The following CEP112 variants were observed in gnomAD, a reference collection of about 807,000 sequenced individuals.
CEP112 encodes centrosomal protein of 112 kDa.
In CEP112, 127 loss-of-function variants were observed where a neutral mutation model predicts 153.0. That is an observed-to-expected ratio of 0.83 (90% CI 0.72 to 0.96). The LOEUF is 0.96. CEP112 is among the 40% of genes least tolerant of loss of function. The pLI, the probability that CEP112 is intolerant of heterozygous loss-of-function variation, is 0.00. For missense variants in CEP112, 1,089 were observed against 1,101.2 expected (o/e 0.99, Z 0.16); for synonymous variants, 358 against 374.4 (o/e 0.96, Z 0.51).
chr17:65,791,792 C>T (rs931354035), intron 21 of CEP112, among the ~76,000 whole-genome samples: 5 of 152,006 alleles, frequency 3.3e-5, no homozygotes, highest in African/African-American at 7.2e-5. Context: ...CAGACAGCAT[C>T]GCTACAAGAA....
At chr17:66,157,868 G>A (rs895628835) in intron 4 of CEP112, among the ~76,000 whole-genome samples, 1 of 152,060 alleles carries the variant, frequency 6.6e-6, no homozygotes, top group East Asian at 1.9e-4. Context: ...CCCAATACAG[G>A]AGCATCCAGG....
At chr17:65,883,425 A>G (rs2059158613) in intron 20 of CEP112, among the ~76,000 whole-genome samples, 1 of 152,046 alleles carries the variant, frequency 6.6e-6, no homozygotes, top group South Asian at 2.1e-4. Flanking sequence ...CAATGGCATA[A>G]TCTTGGCTCA....
intron 20 of CEP112, among the ~76,000 whole-genome samples, chr17:65,856,117 G>C (rs1598792419): frequency 6.6e-6 from 1 of 152,176 alleles, no homozygotes; most frequent in East Asian, 1.9e-4. Flanking sequence ...ATACTGAAAA[G>C]TGTAATGGAA....
intron 21 of CEP112, among the ~76,000 whole-genome samples, chr17:65,789,860 C>T (rs2145715605): frequency 6.6e-6 from 1 of 152,262 alleles, no homozygotes; most frequent in South Asian, 2.1e-4. Context: ...CATGTTAACT[C>T]CAAGCATCTA....
At chr17:65,898,263 A>G (rs1568189542) in intron 20 of CEP112, among the ~76,000 whole-genome samples, 1 of 152,108 alleles carries the variant, frequency 6.6e-6, no homozygotes, top group Non-Finnish European at 1.5e-5. Context: ...TGTTAAATTT[A>G]CCCTTCGAGT....
intron 12 of CEP112, among the ~76,000 whole-genome samples, chr17:66,046,391 T>C (rs192348930): frequency 6.6e-6 from 1 of 152,132 alleles, no homozygotes; most frequent in Non-Finnish European, 1.5e-5. Context: ...ACCATACTAG[T>C]GTGTTTAACT....
intron 8 of CEP112, among the ~76,000 whole-genome samples, chr17:66,080,770 C>T (rs927373949): frequency 2.0e-5 from 3 of 152,154 alleles, no homozygotes; most frequent in Non-Finnish European, 4.4e-5. Flanking sequence ...CCCAAATGCC[C>T]ATCAATGATA....
rs531037483 is a variant in CEP112, at chr17:65,703,460, G to A, written c.2608-14242C>T. The stretch of plus-strand genomic sequence containing the variant: ...TGGGAGGTGAAGGTTGCAGTGAGTC[G>A]AGATTGTGCCACTGCACTCCAGAAT... On this transcript the variant is annotated intron_variant, in intron 23 of 26. Transcript: ENST00000535342. Among the ~76,000 whole-genome samples, 9 of 148,538 alleles carry A rather than the reference G, an allele frequency of 6.1e-5. No individual in the cohort carries two copies. In the South Asian group the frequency reaches 1.3e-3, roughly 21 times the overall value.
chr17:66,038,056 C>T (rs909748774), intron 12 of CEP112, among the ~76,000 whole-genome samples: 2 of 145,682 alleles, frequency 1.4e-5, no homozygotes, highest in African/African-American at 2.6e-5. Flanking sequence ...GAGCTGAGAT[C>T]GCGCCACTGT....
Position 65,734,952 on chromosome 17 carries a change from T to TAAAACAGGCA in CEP112, c.2607+8115_2607+8116insTGCCTGTTTT, listed in dbSNP as rs1009822314. Among the ~76,000 whole-genome samples, 3 of 152,162 alleles carry TAAAACAGGCA rather than the reference T, an allele frequency of 2.0e-5. No homozygotes were observed. The East Asian group carries it at 5.8e-4, about 29-fold the overall frequency. On this transcript the variant is annotated intron_variant, in intron 23 of 26. Transcript: ENST00000535342. Reference sequence around the variant, plus strand: ...GAATGGATCTTTTACTCAGGCATGGTTTTGTAACATCAGGTGTTTGTCATT... The same window carrying TAAAACAGGCA: ...GAATGGATCTTTTACTCAGGCATGGTAAAACAGGCATTTGTAACATCAGGTGTTTGTCATT...
At chr17:65,651,605 T>C (rs981043863) in intron 24 of CEP112, among the ~76,000 whole-genome samples, 1 of 152,172 alleles carries the variant, frequency 6.6e-6, no homozygotes, top group African/African-American at 2.4e-5. Context: ...AAATCTATTA[T>C]TTTTTGATTT....
chr17:66,142,724 C>T (rs1022572769), intron 4 of CEP112, among the ~76,000 whole-genome samples: 14 of 152,112 alleles, frequency 9.2e-5, no homozygotes, highest in Non-Finnish European at 1.9e-4. Flanking sequence ...TGTCTTTACG[C>T]CAGTATCATA....
At chr17:65,857,501 A>G (rs2146356374) in intron 20 of CEP112, among the ~76,000 whole-genome samples, 1 of 152,262 alleles carries the variant, frequency 6.6e-6, no homozygotes, top group East Asian at 1.9e-4. Context: ...CAGCCTCCCA[A>G]AGTGCTAGGA....
At chr17:65,849,919 C>T (rs971045945) in intron 21 of CEP112, among the ~76,000 whole-genome samples, 1 of 152,010 alleles carries the variant, frequency 6.6e-6, no homozygotes, top group African/African-American at 2.4e-5. Context: ...TTTGGGAGGT[C>T]GAGTTGGGTG....
chr17:65,817,113 GAACA>G (rs1379603290), intron 21 of CEP112, among the ~76,000 whole-genome samples: 1 of 151,716 alleles, frequency 6.6e-6, no homozygotes, highest in Non-Finnish European at 1.5e-5. Flanking sequence ...TTTTGTGTGT[GAACA>G]AACAATATGA....
intron 18 of CEP112, among the ~76,000 whole-genome samples, chr17:65,954,950 A>G (rs1001435802): frequency 6.6e-6 from 1 of 152,244 alleles, no homozygotes; most frequent in African/African-American, 2.4e-5. Context: ...TGAGGGAATA[A>G]TTTAGGAAAA....
rs559594079 is a variant in CEP112 at position 66,053,459 on chromosome 17, C to T, written c.1218+277G>A. ...CCAAGGCCATGCCGTTGCACTCCAG[C>T]CTGGGTGACAGGGTGAGACTCCGTC... On this transcript the variant is annotated intron_variant, in intron 12 of 26. Coordinates refer to ENST00000535342, the MANE Select transcript of CEP112 (RefSeq NM_001199165.4). Among the ~76,000 whole-genome samples the T allele has an allele frequency of 3.3e-5, 5 of 152,092 alleles. No individual in the cohort carries two copies. In the East Asian group the frequency reaches 7.7e-4, roughly 24 times the overall value.
chr17:65,657,790 T>C (rs946559778), intron 24 of CEP112, among the ~76,000 whole-genome samples: 7 of 152,226 alleles, frequency 4.6e-5, no homozygotes. Context: ...GTGAGGCTGA[T>C]GGGGGTTTTG....
intron 19 of CEP112, among the ~76,000 whole-genome samples, chr17:65,926,648 G>A (rs961499169): frequency 2.5e-4 from 38 of 152,060 alleles, no homozygotes; most frequent in Middle Eastern, 3.2e-3. Flanking sequence ...GAGAGGTGGC[G>A]GTTGCAGTGA....
Sources: allele counts gnomAD v4.1 joint callset (sites outside exome capture counted in the v4.1 genomes callset), GRCh38; gene constraint gnomAD v4.1.1; transcripts MANE v1.5; gene names NCBI Gene and HGNC (gene_info 2026-07-23, HGNC 2026-07-21).